The following CADPS variants were observed in gnomAD, a reference collection of about 807,000 sequenced individuals.
The protein encoded by CADPS is calcium-dependent secretion activator 1.
In CADPS, 57 loss-of-function variants were observed where a neutral mutation model predicts 167.3. The observed-to-expected ratio is 0.34, with a 90% confidence interval of 0.28 to 0.42. The LOEUF is 0.42. Ranked by LOEUF, CADPS falls within the 20% of genes least tolerant of loss-of-function variation. The pLI is 1.00. For synonymous variants in CADPS, 676 were observed against 635.3 expected (o/e 1.06, Z -0.96); for missense variants, 1,414 against 1,738.1 (o/e 0.81, Z 3.32).
intron 6 of CADPS, among the ~76,000 whole-genome samples, chr3:62,638,077 T>TTATATATATATATATATATATATA (rs928423543): frequency 8.1e-5 from 3 of 36,816 alleles, no homozygotes; most frequent in East Asian, 2.4e-3. Flanking sequence ...GTTTTAAGCA[T>TTATATATATATATATATATATATA]TATATATATA....
chr3:62,715,260 G>C (rs562012650), intron 3 of CADPS, among the ~76,000 whole-genome samples: 64 of 152,168 alleles, frequency 4.2e-4, no homozygotes, highest in African/African-American at 1.5e-3. Flanking sequence ...TTTAGCACAT[G>C]TGAGGTATTT....
chr3:62,526,003 G>A (rs2072086431), intron 13 of CADPS, among the ~76,000 whole-genome samples: 1 of 152,102 alleles, frequency 6.6e-6, no homozygotes. Flanking sequence ...GGCATTGTCA[G>A]GATATAGAAA....
chr3:62,756,090 G>T (rs548347848), intron 2 of CADPS, among the ~76,000 whole-genome samples: 9 of 136,594 alleles, frequency 6.6e-5, no homozygotes, highest in African/African-American at 2.2e-4. Context: ...ATCTCACTTT[G>T]TTGCCCAGGC....
Position 62,874,806 on chromosome 3 carries a change from GC to G in CADPS, c.223del (p.Ala75ProfsTer23). 1.7e-6 allele frequency: 2 copies of G among 1,160,188 alleles called. No individual in the cohort carries two copies. Among genetic ancestry groups the G allele is most frequent in the Admixed American group, 4.1e-5 (1 of 24,104 alleles). The allele number at this position is 1,160,188 out of a possible 1,614,324, so 71.9% of individuals were successfully genotyped here. ...GCGGCTGCTGGGTTGCAGCCCCCCGGCCCCGCCGCCGCTGCTCGCGCCGCTG... is the reference window on the plus strand; with the variant it reads ...GCGGCTGCTGGGTTGCAGCCCCCCGGCCCGCCGCCGCTGCTCGCGCCGCTG... ...GGSGASSGGG[A>X]GGLQPSSRAG... is the part of the protein sequence containing the mutation. On this transcript the variant is annotated frameshift_variant, in exon 1 of 30. Coordinates refer to ENST00000383710, the MANE Select transcript of CADPS (RefSeq NM_003716.4). LOFTEE classifies it high-confidence loss of function. The surrounding 1 kb of genome is among the most constrained non-coding windows in gnomAD (Gnocchi z 7.1).
intron 13 of CADPS, among the ~76,000 whole-genome samples, chr3:62,524,147 G>C (rs1043212362): frequency 2.0e-5 from 3 of 152,150 alleles, no homozygotes; most frequent in Admixed American, 6.5e-5. Context: ...TGATACCTTT[G>C]AATTTAATCC....
chr3:62,631,605 T>C (rs1002031011), intron 6 of CADPS, among the ~76,000 whole-genome samples: 5 of 152,198 alleles, frequency 3.3e-5, no homozygotes, highest in Non-Finnish European at 7.3e-5. Context: ...CTTAGTTACA[T>C]GAAGTATCAC....
At chr3:62,677,851 T>TGG (rs1365694072) in intron 3 of CADPS, among the ~76,000 whole-genome samples, 19 of 152,038 alleles carry the variant, frequency 1.2e-4, no homozygotes, top group African/African-American at 4.6e-4. Context: ...AGTTCATATG[T>TGG]GGTGAAAAAA....
At chr3:62,475,845 C>T (rs1044916933) in intron 23 of CADPS, among the ~76,000 whole-genome samples, 22 of 152,054 alleles carry the variant, frequency 1.4e-4, no homozygotes, top group African/African-American at 2.9e-4. Context: ...GTGCCAGTTC[C>T]GGCCCAATTT....
At position 62,813,316 on chromosome 3, in the gene CADPS, C is replaced by T. The variant is rs189727128; in HGVS notation, c.442-47332G>A. ...AGGACCCAGAAATAAAGCCACACAC[C>T]TACAAGCATCTGATCTTCAACAAAG... On this transcript the variant is annotated intron_variant, in intron 1 of 29. Coordinates refer to ENST00000383710, the MANE Select transcript of CADPS (RefSeq NM_003716.4). Among the ~76,000 whole-genome samples, 184 of 152,100 alleles carry T rather than the reference C, an allele frequency of 1.2e-3. 2 individuals are homozygous for T. The highest frequency in any genetic ancestry group is 4.3e-3 in the African/African-American group (179 of 41,504).
At chr3:62,873,555 C>G (rs562591155) in intron 1 of CADPS, among the ~76,000 whole-genome samples, 209 of 151,970 alleles carry the variant, frequency 1.4e-3, no homozygotes, top group African/African-American at 4.9e-3. Flanking sequence ...GCCACTGCCC[C>G]TCATCTTGCA....
intron 6 of CADPS, among the ~76,000 whole-genome samples, chr3:62,642,582 T>G (rs908201224): frequency 1.3e-5 from 2 of 152,146 alleles, no homozygotes; most frequent in African/African-American, 4.8e-5. Flanking sequence ...AAAATGGAAC[T>G]GCACAAACAG....
At chr3:62,448,774 C>G (rs1415335315) in intron 26 of CADPS, among the ~76,000 whole-genome samples, 1 of 152,052 alleles carries the variant, frequency 6.6e-6, no homozygotes, top group Non-Finnish European at 1.5e-5. Context: ...CCACCACACC[C>G]AGCTAATTTT....
intron 1 of CADPS, among the ~76,000 whole-genome samples, chr3:62,807,520 C>T (rs1461869400): frequency 6.6e-6 from 1 of 152,056 alleles, no homozygotes; most frequent in East Asian, 1.9e-4. Context: ...CCTCGGCCTC[C>T]CAAAGTGCTG....
chr3:62,730,520 T>G (rs2077566260), intron 3 of CADPS, among the ~76,000 whole-genome samples: 1 of 152,152 alleles, frequency 6.6e-6, no homozygotes, highest in Non-Finnish European at 1.5e-5. Context: ...GCAGGTACAC[T>G]GCAGGGACAT....
In CADPS at chr3:62,725,935, C is replaced by T. The variant is rs56748874; in HGVS notation, c.888+27506G>A. Among the ~76,000 whole-genome samples, 47 of 151,850 alleles carry T rather than the reference C, an allele frequency of 3.1e-4. 1 individual carries two copies. Among genetic ancestry groups the T allele is most frequent in the African/African-American group, 1.1e-3 (47 of 41,198 alleles). Reference sequence around the variant, plus strand: ...GAGGCATTGAGTCATAAGCAGTTTGCCCAAGGTCACATTGCTAGAACCTGC... The same window carrying T: ...GAGGCATTGAGTCATAAGCAGTTTGTCCAAGGTCACATTGCTAGAACCTGC... On this transcript the variant is annotated intron_variant, in intron 3 of 29. Coordinates refer to ENST00000383710, the MANE Select transcript of CADPS (RefSeq NM_003716.4).
intron 8 of CADPS, among the ~76,000 whole-genome samples, chr3:62,571,361 T>C (rs1378988981): frequency 6.6e-6 from 1 of 152,156 alleles, no homozygotes; most frequent in African/African-American, 2.4e-5. Flanking sequence ...GTATTGCAGG[T>C]GTATTACAGG....
intron 1 of CADPS, among the ~76,000 whole-genome samples, chr3:62,860,888 G>C (rs1210581910): frequency 6.6e-6 from 1 of 152,192 alleles, no homozygotes; most frequent in East Asian, 1.9e-4. Flanking sequence ...CAGGGAGCTT[G>C]AACGTTCCTT....
chr3:62,418,324 C>CTTTTTTTTTTTTTTTT (rs1227861106), intron 28 of CADPS, among the ~76,000 whole-genome samples: 2 of 115,082 alleles, frequency 1.7e-5, no homozygotes, highest in African/African-American at 3.6e-5. Flanking sequence ...TTTTTTCTCT[C>CTTTTTTTTTTTTTTTT]TTTTTTTTTT....
At chr3:62,608,007 T>G (rs1418229906) in intron 6 of CADPS, among the ~76,000 whole-genome samples, 1 of 152,178 alleles carries the variant, frequency 6.6e-6, no homozygotes, top group Non-Finnish European at 1.5e-5. Flanking sequence ...AGGCTCAACC[T>G]GGAGCCAGAG....
Sources: gnomAD v4.1 joint callset for allele counts (sites outside exome capture counted in the v4.1 genomes callset) on GRCh38, gnomAD v4.1.1 for gene constraint, Gnocchi (gnomAD v3.1) non-coding constraint, MANE v1.5 for transcripts, NCBI Gene and HGNC (gene_info 2026-07-23, HGNC 2026-07-21) for gene names.